CTNNA3: variants seen among roughly 807,000 people sequenced by gnomAD.
The protein encoded by CTNNA3 is catenin alpha 3, also known as catenin alpha-3.
A neutral mutation model predicts 95.7 loss-of-function variants in CTNNA3; 76 were observed. The observed-to-expected ratio is 0.79, with a 90% CI of 0.66 to 0.96. CTNNA3 has a LOEUF of 0.96. Among genes scored for constraint, CTNNA3 ranks in the 40% least tolerant of loss-of-function variants. The pLI is 0.00. For synonymous variants in CTNNA3, 431 were observed against 374.4 expected, an observed-to-expected ratio of 1.15 and a Z score of -1.74; for missense variants, 1,191 against 1,089.8, an observed-to-expected ratio of 1.09 and a Z score of -1.31.
chr10:66,944,586 A>G (rs1329547106), intron 7 of CTNNA3, among the ~76,000 whole-genome samples: 1 of 152,124 alleles, frequency 6.6e-6, no homozygotes, highest in Non-Finnish European at 1.5e-5. Flanking sequence ...AAGGTTTTCA[A>G]TTTACTTTGC....
At chr10:67,116,228 A>G (rs1018085610) in intron 7 of CTNNA3, among the ~76,000 whole-genome samples, 1 of 152,036 alleles carries the variant, frequency 6.6e-6, no homozygotes, top group Non-Finnish European at 1.5e-5. Flanking sequence ...CATGAACCTG[A>G]AATACATAAT....
chr10:67,576,709 C>T (rs1162935122), intron 3 of CTNNA3, among the ~76,000 whole-genome samples: 1 of 104,482 alleles, frequency 9.6e-6, no homozygotes, highest in Non-Finnish European at 1.8e-5. Flanking sequence ...CCCCCCTCCC[C>T]CCACCCCACA....
At position 67,162,445 on chromosome 10, in the gene CTNNA3, G is replaced by A. The variant is rs562786364; in HGVS notation, c.1047+17872C>T. ...TAGTCACAAAGAGTGTGTTCTCTGC[G>A]CACAATCAAATCAAAATAGAAAATT... On this transcript the variant is annotated intron_variant, in intron 7 of 17. Transcript: ENST00000433211. Among the ~76,000 whole-genome samples, 15 of 151,706 alleles carry A rather than the reference G, an allele frequency of 9.9e-5. No individual in the cohort carries two copies. The South Asian group carries it at 1.9e-3, about 19-fold the overall frequency.
rs184522120 is a variant in CTNNA3 at position 66,065,942 on chromosome 10, C to A, written c.2159+3366G>T. Among the ~76,000 whole-genome samples, 390 of 152,226 alleles carry A rather than the reference C, an allele frequency of 2.6e-3. 5 individuals carry two copies. The highest frequency in any genetic ancestry group is 9.1e-3 in the African/African-American group (377 of 41,554). On this transcript the variant is annotated intron_variant, in intron 15 of 17. Coordinates refer to ENST00000433211, the MANE Select transcript of CTNNA3 (RefSeq NM_013266.4). ...GCAATGGTGCAATCTCGGCTCACCA[C>A]AATCTCCGCATCCTGGGTTCAAGTG... is the stretch of plus-strand genomic sequence containing the variant.
At chr10:65,966,475 G>A (rs2077967672) in intron 17 of CTNNA3, 137 bp downstream of exon 17, 4 of 602,656 alleles carry the variant, frequency 6.6e-6, no homozygotes, top group Non-Finnish European at 1.1e-5. Context: ...TTAAATACAT[G>A]TACTTTTAAT....
intron 12 of CTNNA3, among the ~76,000 whole-genome samples, chr10:66,329,394 C>T (rs928638204): frequency 6.6e-6 from 1 of 151,918 alleles, no homozygotes; most frequent in African/African-American, 2.4e-5. Flanking sequence ...CAAATCTCAG[C>T]CAGAAGCACC....
chr10:67,709,740 C>G (rs1841096685), intron 1 of CTNNA3, among the ~76,000 whole-genome samples: 1 of 152,028 alleles, frequency 6.6e-6, no homozygotes, highest in Non-Finnish European at 1.5e-5. Context: ...CAGAACCCCT[C>G]TTACCCCTGA....
rs1174134472 is a variant in CTNNA3 at position 66,411,914 on chromosome 10, T to C, written c.1532-32562A>G. ...TGACCCACTGAGCCCTCAAATGACA[T>C]TCCGAGGAGCTCTGAAGCCTGTAAG... On this transcript the variant is annotated intron_variant, in intron 11 of 17. Transcript: ENST00000433211. Among the ~76,000 whole-genome samples the C allele has an allele frequency of 1.1e-4, 16 of 152,212 alleles. No homozygotes were observed. The East Asian group carries it at 2.7e-3, about 26-fold the overall frequency.
At chr10:66,290,156 G>T (rs983983298) in intron 12 of CTNNA3, among the ~76,000 whole-genome samples, 3 of 151,996 alleles carry the variant, frequency 2.0e-5, no homozygotes, top group African/African-American at 7.2e-5. Flanking sequence ...TGAATAAAGA[G>T]AAGTAGAGAT....
rs550261641 is a variant in CTNNA3 at position 66,690,144 on chromosome 10, G to A, written c.1282-68360C>T. Among the ~76,000 whole-genome samples, 16 of 152,208 alleles carry A rather than the reference G, an allele frequency of 1.1e-4. 1 individual carries two copies. In the South Asian group the frequency reaches 1.2e-3, roughly 12 times the overall value. On this transcript the variant is annotated intron_variant, in intron 9 of 17. Transcript: ENST00000433211. Reference sequence around the variant, plus strand: ...TAAAGAATAAGAGGTGTGTAACTGGGAGTATGCATGTATATGTGTGTATTT... The same window carrying A: ...TAAAGAATAAGAGGTGTGTAACTGGAAGTATGCATGTATATGTGTGTATTT...
intron 5 of CTNNA3, among the ~76,000 whole-genome samples, chr10:67,407,370 C>T (rs904097769): frequency 3.3e-5 from 5 of 152,120 alleles, no homozygotes; most frequent in Non-Finnish European, 7.4e-5. Context: ...AATTAGCATC[C>T]TTTCATGTAA....
At chr10:66,241,019 C>G (rs959464460) in intron 13 of CTNNA3, among the ~76,000 whole-genome samples, 3 of 149,842 alleles carry the variant, frequency 2.0e-5, no homozygotes, top group African/African-American at 7.4e-5. Flanking sequence ...TGTAGTGACC[C>G]ATGGATTGCC....
intron 11 of CTNNA3, among the ~76,000 whole-genome samples, chr10:66,475,517 T>C (rs541062173): frequency 6.6e-6 from 1 of 152,014 alleles, no homozygotes; most frequent in Admixed American, 6.6e-5. Context: ...AGTTTAATTA[T>C]ATCTCATCAA....
At chr10:67,722,985 C>CTTTTTTT (rs141498050) in intron 1 of CTNNA3, among the ~76,000 whole-genome samples, 1 of 118,682 alleles carries the variant, frequency 8.4e-6, no homozygotes, top group African/African-American at 3.5e-5. Flanking sequence ...TCTTTCAGCT[C>CTTTTTTT]TTTTTTTTTT....
chr10:66,320,317 C>T (rs1245417825), intron 12 of CTNNA3, among the ~76,000 whole-genome samples: 1 of 151,962 alleles, frequency 6.6e-6, no homozygotes, highest in Non-Finnish European at 1.5e-5. Context: ...TTTTTCTTGC[C>T]TACTTGGTTC....
intron 9 of CTNNA3, among the ~76,000 whole-genome samples, chr10:66,661,140 T>C (rs1846249137): frequency 1.2e-5 from 1 of 85,826 alleles, no homozygotes; most frequent in Admixed American, 1.1e-4. Context: ...AGACCATTCA[T>C]ATCACTATTT....
At chr10:66,592,467 T>A (rs1843585720) in intron 10 of CTNNA3, among the ~76,000 whole-genome samples, 1 of 152,086 alleles carries the variant, frequency 6.6e-6, no homozygotes, top group African/African-American at 2.4e-5. Context: ...AACCTCCACT[T>A]TTCCATCCTG....
chr10:67,203,873 A>T (rs1863759609), intron 6 of CTNNA3, among the ~76,000 whole-genome samples: 1 of 152,154 alleles, frequency 6.6e-6, no homozygotes, highest in Admixed American at 6.5e-5. Context: ...CAGATACTGT[A>T]ATACGGTATT....
intron 5 of CTNNA3, among the ~76,000 whole-genome samples, chr10:67,427,945 C>G (rs967851872): frequency 6.6e-6 from 1 of 152,070 alleles, no homozygotes; most frequent in African/African-American, 2.4e-5. Flanking sequence ...AGTGAGGTCT[C>G]AAGGTCCACC....
Sources: allele counts gnomAD v4.1 joint callset (sites outside exome capture counted in the v4.1 genomes callset), GRCh38; gene constraint gnomAD v4.1.1; transcripts MANE v1.5; gene names NCBI Gene and HGNC (gene_info 2026-07-23, HGNC 2026-07-21).